The following TEX10 variants were observed in gnomAD, a reference collection of about 807,000 sequenced individuals.
TEX10 encodes the protein testis-expressed protein 10.
In TEX10, 24 loss-of-function variants were observed where a neutral mutation model predicts 104.4. That is an observed-to-expected ratio of 0.23 (90% CI 0.17 to 0.32). The LOEUF (loss-of-function observed/expected upper bound fraction) is 0.32. Ranked by LOEUF, TEX10 falls within the 10% of genes least tolerant of loss-of-function variation. TEX10 has a pLI of 1.00. For missense variants in TEX10, 921 were observed against 1,083.9 expected, an observed-to-expected ratio of 0.85 and a Z score of 2.11; for synonymous variants, 396 against 393.4, an observed-to-expected ratio of 1.01 and a Z score of -0.08.
chr9:100,327,767 T>A lies in TEX10; in HGVS notation c.1801+20A>T. The A allele has an allele frequency of 6.5e-7, 1 of 1,541,306 alleles. No homozygotes were observed. Among genetic ancestry groups the A allele is most frequent in the South Asian group, 1.3e-5 (1 of 78,396 alleles). On this transcript the variant is annotated intron_variant, in intron 8 of 14. Transcript: ENST00000374902. ...GGTGGATCAATGACTACCCATACCA[T>A]TAAACAAATGAACTCTTACCATAAA...
At position 100,321,752 on chromosome 9, in the gene TEX10, T is replaced by G. The variant is rs1169920622; in HGVS notation, c.1999A>C (p.Lys667Gln). 1 of 1,612,248 alleles carries G rather than the reference T, an allele frequency of 6.2e-7. No individual in the cohort carries two copies. Among genetic ancestry groups the G allele is most frequent in the Non-Finnish European group, 8.5e-7 (1 of 1,179,562 alleles). ...LHMRSSFSGW[K>Q]YSAKDWLMSD... ...ATCAACCAGTCTTTAGCTGAATACT[T>G]CCACCCAGAAAATGATGATCTATAA... is the stretch of plus-strand genomic sequence containing the variant. Residue 667 changes from lysine (K) to glutamine (Q), a missense_variant, in exon 10 of 15, where the codon AAG becomes CAG. Physicochemically the swap from Lys to Gln is moderately conservative, Grantham distance 53 (BLOSUM62 1). Around this residue, in one of 3 missense-constraint regions of TEX10, gnomAD observed 753 missense variants for 868.4 expected, o/e 0.87. Coordinates refer to ENST00000374902, the MANE Select transcript of TEX10 (RefSeq NM_017746.4).
chr9:100,317,269 C>T (rs1834444980), intron 11 of TEX10, among the ~76,000 whole-genome samples: 1 of 152,062 alleles, frequency 6.6e-6, no homozygotes, highest in South Asian at 2.1e-4. Flanking sequence ...GTAGTAAACA[C>T]AACAACATGG....
intron 1 of TEX10, 117 bp downstream of exon 1, chr9:100,352,655 C>T (rs1002769237): frequency 1.4e-6 from 2 of 1,428,910 alleles, no homozygotes; most frequent in South Asian, 1.5e-5. Context: ...ACCCGGGGGA[C>T]GCAAATCGTG....
intron 4 of TEX10, among the ~76,000 whole-genome samples, chr9:100,344,469 AAGC>A (rs1217127998): frequency 2.0e-5 from 3 of 151,914 alleles, no homozygotes; most frequent in African/African-American, 7.3e-5. Context: ...GCTACTAACA[AAGC>A]AGTAACAAAA....
intron 12 of TEX10, among the ~76,000 whole-genome samples, chr9:100,308,929 A>G (rs1482902175): frequency 1.3e-5 from 2 of 152,234 alleles, no homozygotes; most frequent in African/African-American, 4.8e-5. Context: ...CCTCCCCTTC[A>G]TGACAGAATC....
chr9:100,341,636 T>G (rs1327900216), intron 4 of TEX10, among the ~76,000 whole-genome samples: 2 of 152,148 alleles, frequency 1.3e-5, no homozygotes, highest in Admixed American at 6.5e-5. Flanking sequence ...TTTACTTGGA[T>G]TACTGCAATA....
At chr9:100,348,990 G>A (rs992025542) in intron 2 of TEX10, among the ~76,000 whole-genome samples, 194 bp downstream of exon 2, 5 of 152,106 alleles carry the variant, frequency 3.3e-5, no homozygotes, top group Admixed American at 6.5e-5. Context: ...TTTAGCGAAC[G>A]TTTCTGGAGG....
At chr9:100,338,440 AG>A (rs1835067518) in intron 5 of TEX10, among the ~76,000 whole-genome samples, 1 of 152,160 alleles carries the variant, frequency 6.6e-6, no homozygotes, top group African/African-American at 2.4e-5. Context: ...CCCTTCTGAG[AG>A]GTTAGAGTTT....
intron 5 of TEX10, among the ~76,000 whole-genome samples, chr9:100,332,678 G>A (rs529705043): frequency 8.8e-4 from 134 of 152,130 alleles, no homozygotes; most frequent in Non-Finnish European, 1.5e-3. Context: ...AAAATTAGCC[G>A]GGCGCGGTGG....
intron 11 of TEX10, among the ~76,000 whole-genome samples, chr9:100,319,825 A>AAAAT (rs1318479427): frequency 2.6e-5 from 4 of 152,122 alleles, no homozygotes; most frequent in African/African-American, 9.7e-5. Context: ...AAAATAAAAT[A>AAAAT]AAATAAAAAA....
At position 100,345,215 on chromosome 9, in the gene TEX10, T is replaced by C. The variant is rs138062952; in HGVS notation, c.1137+857A>G. ...GAAAAAGCAATTGACAAAACATTCC[T>C]ACAGATGATGAGTTAACAGCAATAG... On this transcript the variant is annotated intron_variant, in intron 4 of 14. Transcript: ENST00000374902. Among the ~76,000 whole-genome samples the C allele has an allele frequency of 2.5e-4, 38 of 152,284 alleles. No individual in the cohort carries two copies. The East Asian group carries it at 6.7e-3, about 27-fold the overall frequency.
intron 4 of TEX10, among the ~76,000 whole-genome samples, chr9:100,344,253 T>C (rs1202910699): frequency 6.6e-6 from 1 of 152,182 alleles, no homozygotes; most frequent in Non-Finnish European, 1.5e-5. Context: ...AAACTTACCA[T>C]TATATGTTAA....
intron 13 of TEX10, 74 bp downstream of exon 13, chr9:100,308,426 C>T: frequency 7.7e-7 from 1 of 1,293,732 alleles, no homozygotes; most frequent in Non-Finnish European, 1.0e-6. Flanking sequence ...TTATCTTTAA[C>T]TGTCTATTTT....
intron 1 of TEX10, 29 bp downstream of exon 1, chr9:100,352,743 A>G (rs1835493992): frequency 3.8e-5 from 45 of 1,169,112 alleles, no homozygotes; most frequent in Non-Finnish European, 4.6e-5. Context: ...CCCCGGGAGG[A>G]CCCGGCCCGA....
chr9:100,352,358 G>T, intron 1 of TEX10: 2 of 1,551,332 alleles, frequency 1.3e-6, no homozygotes, highest in South Asian at 1.2e-5. Flanking sequence ...GACGGAACAG[G>T]GGACGCCAGC....
At chr9:100,347,448 A>G (rs942501199) in intron 2 of TEX10, 42 bp from the exon 3 acceptor site, 101 of 1,454,994 alleles carry the variant, frequency 6.9e-5, no homozygotes, top group Non-Finnish European at 8.9e-5. Context: ...ACTTATATAC[A>G]TGTATCAATT....
intron 4 of TEX10, among the ~76,000 whole-genome samples, chr9:100,343,146 A>T (rs535156934): frequency 2.1e-5 from 3 of 145,436 alleles, no homozygotes; most frequent in Non-Finnish European, 3.0e-5. Context: ...CCAAAAAAAA[A>T]TAAATAAAAA....
intron 7 of TEX10, among the ~76,000 whole-genome samples, chr9:100,328,806 A>T (rs1454360575): frequency 6.6e-6 from 1 of 152,150 alleles, no homozygotes; most frequent in Non-Finnish European, 1.5e-5. Flanking sequence ...ATATGCCTCA[A>T]TATGTCACTA....
intron 5 of TEX10, among the ~76,000 whole-genome samples, chr9:100,336,720 A>G (rs1308672049): frequency 1.3e-5 from 2 of 152,178 alleles, no homozygotes; most frequent in Non-Finnish European, 2.9e-5. Context: ...GGTCCATGGA[A>G]ACATTGTTTT....
Sources: gnomAD v4.1 joint callset for allele counts (sites outside exome capture counted in the v4.1 genomes callset) on GRCh38, gnomAD v4.1.1 for gene constraint, gnomAD v4.1.1 regional missense constraint, MANE v1.5 for transcripts, NCBI Gene and HGNC (gene_info 2026-07-23, HGNC 2026-07-21) for gene names.